Variants in ODAD3 observed in about 807,000 individuals in gnomAD.
The protein encoded by ODAD3 is outer dynein arm docking complex subunit 3.
Under a neutral mutation model 70.9 loss-of-function variants are expected in ODAD3, and 57 were observed. That is an observed-to-expected ratio of 0.80 (90% CI 0.65 to 1.00). The LOEUF (loss-of-function observed/expected upper bound fraction) is 1.00. ODAD3 is among the 50% of genes least tolerant of loss of function. The pLI is 0.00. For missense variants in ODAD3, 797 were observed against 763.9 expected, an observed-to-expected ratio of 1.04 and a Z score of -0.51; for synonymous variants, 327 against 315.9, an observed-to-expected ratio of 1.04 and a Z score of -0.37.
rs983304043 is a variant in ODAD3 at position 11,425,415 on chromosome 19, A to G, written c.963+729T>C. On this transcript the variant is annotated intron_variant, in intron 7 of 12. Coordinates refer to ENST00000356392, the MANE Select transcript of ODAD3 (RefSeq NM_145045.5). ...TATGTGTATATGTATATATACATATATGTGTATATACACATATGTGTATAT... is the reference window on the plus strand; with the variant it reads ...TATGTGTATATGTATATATACATATGTGTGTATATACACATATGTGTATAT... Among the ~76,000 whole-genome samples the G allele has an allele frequency of 2.4e-4, 34 of 143,932 alleles. 1 individual carries two copies. The highest frequency in any genetic ancestry group is 3.9e-4 in the Non-Finnish European group (26 of 66,610). 94.4% of individuals were successfully genotyped at this position (143,932 alleles called of 152,430 possible).
Position 11,425,837 on chromosome 19 carries a change from C to T in ODAD3, c.963+307G>A, listed in dbSNP as rs1273936423. 2.0e-5 allele frequency among the ~76,000 whole-genome samples: 3 copies of T among 150,476 alleles called. No individual in the cohort carries two copies. The South Asian group carries it at 6.3e-4, about 32-fold the overall frequency. ...TTAGGCAACGGTTGGCTCAGAGGCA[C>T]GGTCAGATTCAGGACAGGCAGTCTA... On this transcript the variant is annotated intron_variant, in intron 7 of 12. Coordinates refer to ENST00000356392, the MANE Select transcript of ODAD3 (RefSeq NM_145045.5).
upstream of ODAD3, chr19:11,435,277 G>C (rs1969649847): frequency 8.4e-7 from 1 of 1,185,164 alleles, no homozygotes; most frequent in South Asian, 1.7e-5. Context: ...GGTCCCAACA[G>C]TGGGCGGGGT....
In ODAD3 at chr19:11,435,022, G is replaced by A. The variant is rs757196176; in HGVS notation, c.-6C>T. 5 of 1,607,094 alleles carry A rather than the reference G, an allele frequency of 3.1e-6. No individual in the cohort carries two copies. In the East Asian group the frequency reaches 1.1e-4, roughly 36 times the overall value. Reference sequence around the variant, plus strand: ...CTGCACAGAGGAGATGTCATGATGGGGTTGGGGCTGAAGGCCCCTAGGGGT... The same window carrying A: ...CTGCACAGAGGAGATGTCATGATGGAGTTGGGGCTGAAGGCCCCTAGGGGT... On this transcript the variant is annotated 5_prime_UTR_variant, in exon 1 of 13. Coordinates refer to ENST00000356392, the MANE Select transcript of ODAD3 (RefSeq NM_145045.5).
chr19:11,432,907 C>T (rs1969532461), intron 1 of ODAD3, among the ~76,000 whole-genome samples: 1 of 152,136 alleles, frequency 6.6e-6, no homozygotes, highest in South Asian at 2.1e-4. Flanking sequence ...CCCTCTCCTG[C>T]CTCAGCCTTC....
chr19:11,426,981 C>T lies in ODAD3; in HGVS notation c.504G>A (p.Arg168=), dbSNP rs781496299. Reference sequence around the variant, plus strand: ...GCCTCTGCCGCAACACCACCTGGTGCCGCAGGGCGTTCTGCTGCTTCACCT... The same window carrying T: ...GCCTCTGCCGCAACACCACCTGGTGTCGCAGGGCGTTCTGCTGCTTCACCT... ...REKVKQQNAL[R]HQVVLRQRRL... Residue 168 remains arginine, a synonymous_variant, in exon 4 of 13, where the codon CGG becomes CGA. Coordinates refer to ENST00000356392, the MANE Select transcript of ODAD3 (RefSeq NM_145045.5). 2 of 1,606,756 alleles carry T rather than the reference C, an allele frequency of 1.2e-6. No individual in the cohort carries two copies. Among genetic ancestry groups the T allele is most frequent in the South Asian group, 2.2e-5 (2 of 90,992 alleles).
In ODAD3 at chr19:11,421,197, C is replaced by T. The variant is rs201176850; in HGVS notation, c.1606G>A (p.Glu536Lys). 255 of 1,613,202 alleles carry T rather than the reference C, an allele frequency of 1.6e-4. No individual in the cohort carries two copies. Among genetic ancestry groups the T allele is most frequent in the Admixed American group, 2.0e-4 (12 of 59,882 alleles). The change falls in exon 12 of 13, where the codon GAG becomes AAG. Residue 536 changes from glutamate (E) to lysine (K), a missense_variant. Coordinates refer to ENST00000356392, the MANE Select transcript of ODAD3 (RefSeq NM_145045.5). Reference sequence around the variant, plus strand: ...GTGTTGTATTCGGGCAGCCTTCCCTCTAAGCTGGCGAGGAACTAAGCGGGG... The same window carrying T: ...GTGTTGTATTCGGGCAGCCTTCCCTTTAAGCTGGCGAGGAACTAAGCGGGG... ...IANREFLASLEGRLPEYNTRI... is the reference protein window; with the variant it reads ...IANREFLASLKGRLPEYNTRI...
In ODAD3 at chr19:11,429,773, C is replaced by T. The variant is rs1452038699; in HGVS notation, c.444+926G>A. 4.8e-5 allele frequency among the ~76,000 whole-genome samples: 7 copies of T among 146,238 alleles called. No homozygotes were observed. The South Asian group carries it at 1.3e-3, about 27-fold the overall frequency. On this transcript the variant is annotated intron_variant, in intron 3 of 12. Transcript: ENST00000356392. ...CAGGATGGGCTCGATCTCCTGACCT[C>T]GTGATCCACCCGCCTCGGTTTCCCA...
In ODAD3 at chr19:11,421,192, T is replaced by C; in HGVS notation, c.1611A>G (p.Gly537=). The change falls in exon 12 of 13, where the codon GGA becomes GGG. Residue 537 remains glycine (G), a synonymous_variant. Coordinates refer to ENST00000356392, the MANE Select transcript of ODAD3 (RefSeq NM_145045.5). ...ANREFLASLE[G]RLPEYNTRIA... is the part of the protein sequence containing the mutation. ...TGCGGGTGTTGTATTCGGGCAGCCT[T>C]CCCTCTAAGCTGGCGAGGAACTAAG... The C allele has an allele frequency of 1.2e-6, 2 of 1,613,338 alleles. No individual in the cohort carries two copies. The highest frequency in any genetic ancestry group is 1.7e-6 in the Non-Finnish European group (2 of 1,179,832).
rs1034844150 is a variant in ODAD3 at position 11,425,466 on chromosome 19, T to A, written c.963+678A>T. Reference sequence around the variant, plus strand: ...GTATATATACATATATGTGTGTGTATATATGTATATATGTGTGTATATATG... The same window carrying A: ...GTATATATACATATATGTGTGTGTAAATATGTATATATGTGTGTATATATG... On this transcript the variant is annotated intron_variant, in intron 7 of 12. Coordinates refer to ENST00000356392, the MANE Select transcript of ODAD3 (RefSeq NM_145045.5). Among the ~76,000 whole-genome samples, 107 of 120,104 alleles carry A rather than the reference T, an allele frequency of 8.9e-4. 5 individuals are homozygous for A. The highest frequency in any genetic ancestry group is 3.1e-3 in the African/African-American group (100 of 32,374). The allele number at this position is 120,104 out of a possible 152,430, so 78.8% of individuals were successfully genotyped here.
At chr19:11,431,116 T>TC in intron 1 of ODAD3, 96 bp from the exon 2 acceptor site, 1 of 1,423,160 alleles carries the variant, frequency 7.0e-7, no homozygotes, top group East Asian at 2.4e-5. Flanking sequence ...TCATCAACTT[T>TC]TTTTTTTTTT....
chr19:11,423,760 T>TA, intron 8 of ODAD3, 117 bp downstream of exon 8: 1 of 1,071,918 alleles, frequency 9.3e-7, no homozygotes, highest in South Asian at 1.6e-5. Flanking sequence ...GTGAGCTGAA[T>TA]AACCGACCTG....
In ODAD3 at chr19:11,426,557, G is replaced by A. The variant is rs11879596; in HGVS notation, c.729C>T (p.Asn243=). Residue 243 remains asparagine, a synonymous_variant, in exon 6 of 13, where the codon AAC becomes AAT. Coordinates refer to ENST00000356392, the MANE Select transcript of ODAD3 (RefSeq NM_145045.5). ...LKAYLMDESL[N]LENRLDSMEA... ...CCATGGAGTCCAGCCGGTTCTCCAA[G>A]TTGAGGCTCTCGTCCTGGGGCGTGG... is the stretch of plus-strand genomic sequence containing the variant. The A allele has an allele frequency of 0.014, 22,250 of 1,614,060 alleles. 177 individuals are homozygous for A. The highest frequency in any genetic ancestry group is 0.015 in the Non-Finnish European group (17,933 of 1,179,980).
At chr19:11,429,043 A>G (rs970728654) in intron 3 of ODAD3, among the ~76,000 whole-genome samples, 1 of 150,744 alleles carries the variant, frequency 6.6e-6, no homozygotes, top group Non-Finnish European at 1.5e-5. Context: ...ATGCCCGGCT[A>G]ATTTTTTGTA....
chr19:11,434,765 C>G lies in ODAD3; in HGVS notation c.244+8G>C. On this transcript the variant is annotated splice_region_variant and intron_variant, in intron 1 of 12. Coordinates refer to ENST00000356392, the MANE Select transcript of ODAD3 (RefSeq NM_145045.5). ...CCTGACCCTCTGTACCCTCTGGAGC[C>G]ATCTTACCTAACAGTTGTATCTTTT... The G allele has an allele frequency of 6.2e-7, 1 of 1,606,880 alleles. No homozygotes were observed. The highest frequency in any genetic ancestry group is 1.7e-5 in the Admixed American group (1 of 59,702).
rs138246150 is a variant in ODAD3 at position 11,429,069 on chromosome 19, G to C, written c.444+1630C>G. Among the ~76,000 whole-genome samples the C allele has an allele frequency of 5.8e-3, 850 of 145,992 alleles. 56 individuals carry two copies. The East Asian group carries it at 0.16, about 27-fold the overall frequency. On this transcript the variant is annotated intron_variant, in intron 3 of 12. Coordinates refer to ENST00000356392, the MANE Select transcript of ODAD3 (RefSeq NM_145045.5). Reference sequence around the variant, plus strand: ...ATTTTTTGTATTTTTAGTAGAGACGGGGTTTCGCCATGTTGGCCAGGCTGG... The same window carrying C: ...ATTTTTTGTATTTTTAGTAGAGACGCGGTTTCGCCATGTTGGCCAGGCTGG...
chr19:11,426,333 G>T lies in ODAD3; in HGVS notation c.841-67C>A, dbSNP rs1236625140. ...ACCACTGCCCGCCGCAGGGTGCTGGGAGATAGATGGGGGCGGGGGCGTAGG... is the reference window on the plus strand; with the variant it reads ...ACCACTGCCCGCCGCAGGGTGCTGGTAGATAGATGGGGGCGGGGGCGTAGG... On this transcript the variant is annotated intron_variant, in intron 6 of 12. Coordinates refer to ENST00000356392, the MANE Select transcript of ODAD3 (RefSeq NM_145045.5). 63 of 1,609,254 alleles carry T rather than the reference G, an allele frequency of 3.9e-5. 1 individual carries two copies. The South Asian group carries it at 6.5e-4, about 17-fold the overall frequency.
rs368209080 is a variant in ODAD3, at chr19:11,430,769, T to G, written c.374A>C (p.Glu125Ala). The part of the protein sequence containing the change: ...LKLLDLLKGD[E>A]KVVQAVIREW... ...GCGAATCACTGCCTGGACCACTTTCTCATCTCCCTGCAAGGAGGGAAGTCC... is the reference window on the plus strand; with the variant it reads ...GCGAATCACTGCCTGGACCACTTTCGCATCTCCCTGCAAGGAGGGAAGTCC... The change falls in exon 3 of 13, where the codon GAG becomes GCG. Residue 125 changes from glutamate to alanine, a missense_variant. Glu to Ala is a moderately radical substitution (Grantham distance 107). Transcript: ENST00000356392. 1.9e-6 allele frequency: 3 copies of G among 1,613,944 alleles called. No homozygotes were observed. Among genetic ancestry groups the G allele is most frequent in the Non-Finnish European group, 2.5e-6 (3 of 1,180,012 alleles).
upstream of ODAD3, chr19:11,435,768 G>A (rs2144795436): frequency 7.2e-7 from 1 of 1,387,194 alleles, no homozygotes; most frequent in South Asian, 1.2e-5. Flanking sequence ...ACCGGAGGGT[G>A]CATGTGTGGG....
At chr19:11,423,044 T>C (rs973525058) in intron 8 of ODAD3, among the ~76,000 whole-genome samples, 183 bp from the exon 9 acceptor site, 2 of 152,234 alleles carry the variant, frequency 1.3e-5, no homozygotes, top group African/African-American at 4.8e-5. Flanking sequence ...TGAGCAGCCC[T>C]GGATATATCA....
Sources: gnomAD v4.1 joint callset for allele counts (sites outside exome capture counted in the v4.1 genomes callset) on GRCh38, gnomAD v4.1.1 for gene constraint, MANE v1.5 for transcripts, NCBI Gene and HGNC (gene_info 2026-07-23, HGNC 2026-07-21) for gene names.